Variants in DHX58 observed in about 807,000 individuals in gnomAD.
DHX58 encodes the protein DExH-box helicase 58.
In DHX58, 51 loss-of-function variants were observed where a neutral mutation model predicts 65.0. That is an observed-to-expected ratio of 0.78 (90% CI 0.63 to 0.99). The LOEUF is 0.99. Among genes scored for constraint, DHX58 ranks in the 50% least tolerant of loss-of-function variants. The pLI is 0.00. For synonymous variants in DHX58, 350 were observed against 365.0 expected (o/e 0.96, Z 0.47); for missense variants, 773 against 891.8 (o/e 0.87, Z 1.70).
Position 42,111,880 on chromosome 17 carries a change from AC to A in DHX58, c.12del (p.Ser5ProfsTer6). The A allele has an allele frequency of 6.2e-7, 1 of 1,608,934 alleles. No homozygotes were observed. The highest frequency in any genetic ancestry group is 1.7e-5 in the Admixed American group (1 of 59,628). On this transcript the variant is annotated frameshift_variant, in exon 3 of 14. Coordinates refer to ENST00000251642, the MANE Select transcript of DHX58 (RefSeq NM_024119.3). LOFTEE classifies it high-confidence loss of function. ...GGCATGATCACCTCCCATTGGTAGG[AC>A]CGAAGCTCCATTCTGGGAATGGCAG... The part of the protein sequence containing the change: MEL[R>X]SYQWEVIMPA...
chr17:42,110,591 G>A (rs1476443366), intron 5 of DHX58, 132 bp downstream of exon 5: 1 of 965,136 alleles, frequency 1.0e-6, no homozygotes, highest in Non-Finnish European at 1.5e-6. Context: ...GGTCTTAGGT[G>A]AGGAAGGGGC....
Position 42,111,879 on chromosome 17 carries a change from G to A in DHX58, c.14C>T (p.Ser5Phe). 1 of 1,609,526 alleles carries A rather than the reference G, an allele frequency of 6.2e-7. No homozygotes were observed. Residue 5 changes from serine to phenylalanine, a missense_variant, in exon 3 of 14, where the codon TCC (serine) becomes TTC (phenylalanine). Ser to Phe is a radical substitution (Grantham distance 155). Transcript: ENST00000251642. ...AGGCATGATCACCTCCCATTGGTAG[G>A]ACCGAAGCTCCATTCTGGGAATGGC... MELR[S>F]YQWEVIMPAL... is the part of the protein sequence containing the mutation.
At chr17:42,102,388 A>G (rs959925581) in intron 12 of DHX58, 76 bp from the exon 13 acceptor site, 2 of 1,327,896 alleles carry the variant, frequency 1.5e-6, no homozygotes, top group African/African-American at 1.4e-5. Flanking sequence ...CTGCCGGCCA[A>G]GTCTCTGCCT....
chr17:42,103,309 T>G (rs2054005788), intron 12 of DHX58: 1 of 405,294 alleles, frequency 2.5e-6, no homozygotes, highest in African/African-American at 2.1e-5. Context: ...TCTTGATATC[T>G]TCGGAATAGG....
In DHX58 at chr17:42,111,352, TCTG is replaced by T. The variant is rs1439371743; in HGVS notation, c.311_313del (p.Ala104del). The T allele has an allele frequency of 1.9e-6, 3 of 1,614,012 alleles. No homozygotes were observed. The African/African-American group carries it at 4.0e-5, about 22-fold the overall frequency. On this transcript the variant is annotated inframe_deletion, in exon 4 of 14. Transcript: ENST00000251642. ...GCTGGTCAGTGCCATCTGCAGAAGCTCTGCTGTGCAGATGAGCAGGTCATGGCA... is the reference window on the plus strand; with the variant it reads ...GCTGGTCAGTGCCATCTGCAGAAGCTCTGTGCAGATGAGCAGGTCATGGCA...
At chr17:42,107,571 T>G (rs1388917874) in intron 8 of DHX58, 33 bp downstream of exon 8, 2 of 1,508,550 alleles carry the variant, frequency 1.3e-6, no homozygotes, top group Non-Finnish European at 1.8e-6. Context: ...GGTCCCATCA[T>G]CCCCGGCCCC....
chr17:42,106,169 AAAG>A (rs1442475250), intron 8 of DHX58, among the ~76,000 whole-genome samples, 180 bp from the exon 9 acceptor site: 1 of 151,604 alleles, frequency 6.6e-6, no homozygotes, highest in African/African-American at 2.4e-5. Context: ...GGAAAAAAAA[AAAG>A]AAAGCAAGAA....
rs16967493 is a variant in DHX58 at position 42,111,459 on chromosome 17, G to A, written c.207C>T (p.Arg69=). 0.011 allele frequency: 17,076 copies of A among 1,614,140 alleles called. 340 individuals are homozygous for A. The highest frequency in any genetic ancestry group is 0.08 in the African/African-American group (6,034 of 75,052). ...TCACGGTCCAGCGTCCATCCAGCAT[G>A]CGCCTGAACTCTTCACCATGCTGGG... ...LVTQHGEEFR[R]MLDGRWTVTT... The change falls in exon 4 of 14, where the codon CGC becomes CGT. Residue 69 remains arginine, a synonymous_variant. Coordinates refer to ENST00000251642, the MANE Select transcript of DHX58 (RefSeq NM_024119.3).
At chr17:42,111,700 A>G in intron 3 of DHX58, 25 bp downstream of exon 3, 1 of 1,589,848 alleles carries the variant, frequency 6.3e-7, no homozygotes, top group Non-Finnish European at 8.6e-7. Context: ...GTGGTGGGAG[A>G]GCGGGGTAGG....
At chr17:42,111,519 G>A (rs2054154745) in intron 3 of DHX58, 22 bp from the exon 4 acceptor site, 1 of 1,611,704 alleles carries the variant, frequency 6.2e-7, no homozygotes, top group Admixed American at 1.7e-5. Context: ...GAATGAGCTG[G>A]GAAAAGAGAG....
Position 42,110,808 on chromosome 17 carries a change from G to A in DHX58, c.476C>T (p.Pro159Leu), listed in dbSNP as rs1464145775. The change falls in exon 5 of 14, where the codon CCG becomes CTG. Residue 159 changes from proline to leucine, a missense_variant. Physicochemically the swap from Pro to Leu is moderately conservative, Grantham distance 98 (BLOSUM62 -3). Coordinates refer to ENST00000251642, the MANE Select transcript of DHX58 (RefSeq NM_024119.3). ...YLELKLQRAQ[P>L]LPQVLGLTAS... ...TGTGAGACCCAGCACCTGGGGTAGCGGCTGTGCCCTCTGGAGTTTAAGTTC... is the reference window on the plus strand; with the variant it reads ...TGTGAGACCCAGCACCTGGGGTAGCAGCTGTGCCCTCTGGAGTTTAAGTTC... The A allele has an allele frequency of 2.2e-5, 35 of 1,613,846 alleles. No homozygotes were observed. Among genetic ancestry groups the A allele is most frequent in the Middle Eastern group, 1.6e-4 (1 of 6,082 alleles).
chr17:42,108,180 C>T, intron 6 of DHX58, 72 bp from the exon 7 acceptor site: 1 of 1,607,180 alleles, frequency 6.2e-7, no homozygotes, highest in South Asian at 1.1e-5. Context: ...GGTGCTGACC[C>T]CGGCGTGTAG....
At chr17:42,110,365 G>A (rs145764986) in intron 5 of DHX58, among the ~76,000 whole-genome samples, 17 of 152,204 alleles carry the variant, frequency 1.1e-4, no homozygotes, top group African/African-American at 4.1e-4. Flanking sequence ...AAAGGGAAGC[G>A]CATTCTAGGC....
chr17:42,111,391 T>C lies in DHX58; in HGVS notation c.275A>G (p.His92Arg), dbSNP rs148777321. 5.1e-5 allele frequency: 82 copies of C among 1,614,186 alleles called. No individual in the cohort carries two copies. The African/African-American group carries it at 1.1e-3, about 21-fold the overall frequency. Reference sequence around the variant, plus strand: ...GAGCAGGTCATGGCACCGGGCCAGGTGGCCAAAGCCAGCACGTGGTCCCAT... The same window carrying C: ...GAGCAGGTCATGGCACCGGGCCAGGCGGCCAAAGCCAGCACGTGGTCCCAT... ...GDMGPRAGFG[H>R]LARCHDLLIC... The change falls in exon 4 of 14, where the codon CAC (histidine) becomes CGC (arginine). Residue 92 changes from histidine to arginine, a missense_variant. By Grantham distance (29) the His-to-Arg change is conservative (BLOSUM62 0). Coordinates refer to ENST00000251642, the MANE Select transcript of DHX58 (RefSeq NM_024119.3).
Position 42,107,717 on chromosome 17 carries a change from TC to T in DHX58, c.883del (p.Asp295ThrfsTer109). The T allele has an allele frequency of 6.2e-7, 1 of 1,610,264 alleles. No individual in the cohort carries two copies. The highest frequency in any genetic ancestry group is 8.5e-7 in the Non-Finnish European group (1 of 1,178,210). ...RRYNDALLIH[D>X]TVRAVDALAA... Reference sequence around the variant, plus strand: ...CAAGGCATCCACGGCGCGGACGGTGTCATGGATGAGCAGCGCGTCATTGTAG... The same window carrying T: ...CAAGGCATCCACGGCGCGGACGGTGTATGGATGAGCAGCGCGTCATTGTAG... On this transcript the variant is annotated frameshift_variant, in exon 8 of 14. Coordinates refer to ENST00000251642, the MANE Select transcript of DHX58 (RefSeq NM_024119.3). LOFTEE classifies it high-confidence loss of function.
chr17:42,101,987 C>T (rs2053986521), intron 13 of DHX58, 41 bp from the exon 14 acceptor site: 2 of 1,563,852 alleles, frequency 1.3e-6, no homozygotes, highest in African/African-American at 1.4e-5. Flanking sequence ...GGTCTCTGGC[C>T]TCAGACTGGG....
chr17:42,105,652 C>G, intron 9 of DHX58, 84 bp downstream of exon 9: 1 of 1,485,264 alleles, frequency 6.7e-7, no homozygotes, highest in Non-Finnish European at 8.9e-7. Context: ...CTGCCCCCAC[C>G]TCTCTGTGCT....
rs781981214 is a variant in DHX58 at position 42,103,202 on chromosome 17, G to A, written c.1754+406C>T. 1.3e-4 allele frequency: 26 copies of A among 203,562 alleles called. 1 individual carries two copies. Among genetic ancestry groups the A allele is most frequent in the Admixed American group, 1.0e-3 (17 of 16,468 alleles). 12.6% of individuals were successfully genotyped at this position (203,562 alleles called of 1,614,324 possible). On this transcript the variant is annotated intron_variant, in intron 12 of 13. Coordinates refer to ENST00000251642, the MANE Select transcript of DHX58 (RefSeq NM_024119.3). ...GTGAAGATCCTTGGCACAGTGGCCC[G>A]GAACACAGAGGGTAACATAATGAAT...
chr17:42,108,446 T>C (rs1352797672), intron 6 of DHX58, among the ~76,000 whole-genome samples: 2 of 152,220 alleles, frequency 1.3e-5, no homozygotes, highest in Non-Finnish European at 2.9e-5. Flanking sequence ...AACCTGTTTG[T>C]GTAAGTTCAT....
Sources: allele counts gnomAD v4.1 joint callset (sites outside exome capture counted in the v4.1 genomes callset), GRCh38; gene constraint gnomAD v4.1.1; transcripts MANE v1.5; gene names NCBI Gene and HGNC (gene_info 2026-07-23, HGNC 2026-07-21).